The following RIMS1 variants were observed in gnomAD, a reference collection of about 807,000 sequenced individuals.
The protein encoded by RIMS1 is regulating synaptic membrane exocytosis protein 1.
In RIMS1, 83 loss-of-function variants were observed where a neutral mutation model predicts 214.1. That is an observed-to-expected ratio of 0.39 (90% CI 0.32 to 0.47). RIMS1 has a LOEUF of 0.47. RIMS1 is among the 20% of genes least tolerant of loss of function. RIMS1 has a pLI of 0.99. For missense variants in RIMS1, 2,050 were observed against 2,161.8 expected (o/e 0.95, Z 1.03); for synonymous variants, 793 against 786.8 (o/e 1.01, Z -0.13).
intron 23 of RIMS1, among the ~76,000 whole-genome samples, chr6:72,275,485 A>C (rs1326470873): frequency 3.3e-5 from 5 of 152,054 alleles, no homozygotes; most frequent in Admixed American, 6.6e-5. Flanking sequence ...AAACATTGTC[A>C]CCAAGAAAAA....
At chr6:71,991,241 A>G (rs944593014) in intron 2 of RIMS1, among the ~76,000 whole-genome samples, 1 of 152,066 alleles carries the variant, frequency 6.6e-6, no homozygotes, top group South Asian at 2.1e-4. Flanking sequence ...TCTGGACTAT[A>G]TGAATCACTT....
intron 6 of RIMS1, among the ~76,000 whole-genome samples, chr6:72,188,366 T>A (rs2049485539): frequency 6.6e-6 from 1 of 152,192 alleles, no homozygotes; most frequent in Non-Finnish European, 1.5e-5. Flanking sequence ...ACAACTATCC[T>A]TCGTACAACC....
chr6:72,021,826 G>T (rs942418293), intron 2 of RIMS1, among the ~76,000 whole-genome samples: 1 of 152,044 alleles, frequency 6.6e-6, no homozygotes, highest in Non-Finnish European at 1.5e-5. Flanking sequence ...AGGTCTGCAT[G>T]GAGCCATCAG....
intron 4 of RIMS1, among the ~76,000 whole-genome samples, chr6:72,123,569 G>A (rs981480130): frequency 2.6e-5 from 4 of 151,784 alleles, no homozygotes; most frequent in Admixed American, 6.6e-5. Context: ...ATTGACAGTG[G>A]GGTGTTAAAG....
intron 23 of RIMS1, among the ~76,000 whole-genome samples, chr6:72,275,202 T>C (rs2085723003): frequency 7.0e-6 from 1 of 143,704 alleles, no homozygotes; most frequent in South Asian, 2.3e-4. Context: ...TAAATGTGTT[T>C]TCCTGACTGG....
At chr6:72,053,636 T>C (rs6919752) in intron 2 of RIMS1, among the ~76,000 whole-genome samples, 12,317 of 152,222 alleles carry the variant, frequency 0.081, 550 homozygotes, top group African/African-American at 0.1. Context: ...TTCATTCCTT[T>C]GTGAAGAATG....
intron 6 of RIMS1, among the ~76,000 whole-genome samples, chr6:72,214,181 A>T (rs1589235724): frequency 6.6e-6 from 1 of 152,154 alleles, no homozygotes; most frequent in East Asian, 1.9e-4. Flanking sequence ...CTCTGCTTTG[A>T]TTCTGTAATT....
chr6:71,921,322 T>C (rs1380493821), intron 1 of RIMS1, among the ~76,000 whole-genome samples: 1 of 152,126 alleles, frequency 6.6e-6, no homozygotes, highest in Non-Finnish European at 1.5e-5. Context: ...CATTTCACCA[T>C]GTTGGTCAGG....
At chr6:72,398,118 G>T (rs2098800411) in intron 31 of RIMS1, 131 bp from the exon 32 acceptor site, 1 of 567,864 alleles carries the variant, frequency 1.8e-6, no homozygotes, top group South Asian at 2.7e-5. Context: ...TGGAGTGAGG[G>T]GTCTAAATAT....
chr6:72,315,067 G>T (rs2095699276), intron 28 of RIMS1, among the ~76,000 whole-genome samples: 1 of 152,018 alleles, frequency 6.6e-6, no homozygotes, highest in Non-Finnish European at 1.5e-5. Context: ...ATTTCTTTTA[G>T]AAAGAATAGG....
At chr6:71,946,009 A>G (rs2151069812) in intron 1 of RIMS1, among the ~76,000 whole-genome samples, 1 of 152,256 alleles carries the variant, frequency 6.6e-6, no homozygotes, top group East Asian at 1.9e-4. Flanking sequence ...GAGTAGAGTT[A>G]CCTGATACAA....
chr6:72,071,999 C>T (rs1830679461), intron 2 of RIMS1, among the ~76,000 whole-genome samples: 2 of 152,074 alleles, frequency 1.3e-5, no homozygotes, highest in Non-Finnish European at 2.9e-5. Flanking sequence ...GGAGATAGTG[C>T]AGACATGTTA....
At position 72,290,861 on chromosome 6, in the gene RIMS1, G is replaced by C. The variant is rs575184601; in HGVS notation, c.3737G>C (p.Arg1246Thr). The stretch of plus-strand genomic sequence containing the variant: ...GCGCCACCTTCTCCGCTTCTGACAA[G>C]GTCGCTATTCAGTGTCCCCCTCAGC... The part of the protein sequence containing the change: ...GSAPPSPLLT[R>T]MHRQRSPTQS... Residue 1246 changes from arginine (R) to threonine (T), a missense_variant and splice_region_variant, in exon 25 of 34, where the codon AGA becomes ACA. Physicochemically the swap from Arg to Thr is moderately conservative, Grantham distance 71. This residue lies in a region of RIMS1 where 889 missense variants were observed against 885.5 expected (regional missense o/e 1.00). Transcript: ENST00000521978. The C allele has an allele frequency of 3.7e-6, 6 of 1,611,810 alleles. No homozygotes were observed. In the East Asian group the frequency reaches 1.1e-4, roughly 30 times the overall value.
At position 72,162,235 on chromosome 6, in the gene RIMS1, G is replaced by T. The variant is rs1012019777; in HGVS notation, c.472-17340G>T. On this transcript the variant is annotated intron_variant, in intron 4 of 33. Coordinates refer to ENST00000521978, the MANE Select transcript of RIMS1 (RefSeq NM_014989.7). Reference sequence around the variant, plus strand: ...CCCTGCCTTTTTTTGTTTTCCATTTGCTTGGTATTTCTTCCTTCATCCCTT... The same window carrying T: ...CCCTGCCTTTTTTTGTTTTCCATTTTCTTGGTATTTCTTCCTTCATCCCTT... Among the ~76,000 whole-genome samples the T allele has an allele frequency of 1.0e-4, 14 of 140,240 alleles. 2 individuals carry two copies. Among genetic ancestry groups the T allele is most frequent in the African/African-American group, 3.4e-4 (14 of 40,662 alleles). 92.0% of individuals were successfully genotyped at this position (140,240 alleles called of 152,430 possible).
At chr6:72,094,350 G>A (rs967104395) in intron 2 of RIMS1, among the ~76,000 whole-genome samples, 7 of 151,998 alleles carry the variant, frequency 4.6e-5, no homozygotes, top group Non-Finnish European at 1.0e-4. Flanking sequence ...CTATGAGATT[G>A]CAATAGAGTA....
At chr6:71,901,092 A>T (rs1258901537) in intron 1 of RIMS1, among the ~76,000 whole-genome samples, 1 of 152,120 alleles carries the variant, frequency 6.6e-6, no homozygotes, top group Non-Finnish European at 1.5e-5. Flanking sequence ...CTAAAATTAG[A>T]TGAACAAACA....
At chr6:71,922,828 T>C (rs770658161) in intron 1 of RIMS1, among the ~76,000 whole-genome samples, 1 of 152,230 alleles carries the variant, frequency 6.6e-6, no homozygotes, top group Non-Finnish European at 1.5e-5. Context: ...CTGCTAATTA[T>C]GACCTTGGAA....
At position 72,283,601 on chromosome 6, in the gene RIMS1, A is replaced by T. The variant is rs961505264; in HGVS notation, c.3483-446A>T. On this transcript the variant is annotated intron_variant, in intron 23 of 33. Coordinates refer to ENST00000521978, the MANE Select transcript of RIMS1 (RefSeq NM_014989.7). ...ATTTGTGGGGGACAAATCAAAAAAA[A>T]TCTTTGTAGCACCAAGTTTCAACTT... 6.6e-5 allele frequency among the ~76,000 whole-genome samples: 10 copies of T among 152,266 alleles called. No homozygotes were observed. In the East Asian group the frequency reaches 1.9e-3, roughly 29 times the overall value.
chr6:72,262,971 A>T, intron 19 of RIMS1: 1 of 512,984 alleles, frequency 1.9e-6, no homozygotes, highest in Non-Finnish European at 2.5e-6. Flanking sequence ...GAATATTATT[A>T]TCCTGATTTT....
Sources: gnomAD v4.1 joint callset for allele counts (sites outside exome capture counted in the v4.1 genomes callset) on GRCh38, gnomAD v4.1.1 for gene constraint, gnomAD v4.1.1 regional missense constraint, MANE v1.5 for transcripts, NCBI Gene and HGNC (gene_info 2026-07-23, HGNC 2026-07-21) for gene names.